Variants in RAB30 observed in about 807,000 individuals in gnomAD.
RAB30 encodes the protein ras-related protein Rab-30.
In RAB30, 9 loss-of-function variants were observed where a neutral mutation model predicts 25.1. That is an observed-to-expected ratio of 0.36 (90% CI 0.22 to 0.63). The LOEUF is 0.63. Ranked by LOEUF, RAB30 falls within the 20% of genes least tolerant of loss-of-function variation. The pLI is 0.69. For synonymous variants in RAB30, 77 were observed against 86.4 expected (o/e 0.89, Z 0.60); for missense variants, 140 against 243.5 (o/e 0.58, Z 2.83).
At chr11:82,987,905 TAAAAAAAAAAAAAAAA>T in intron 3 of RAB30, 135 bp from the exon 4 acceptor site, 5 of 34,742 alleles carry the variant, frequency 1.4e-4, no homozygotes, top group Non-Finnish European at 2.0e-4. Flanking sequence ...TTTTCTGCCC[TAAAAAAAAAAAAAAAA>T]AAAAAAAAAA....
At chr11:82,998,822 G>A (rs1167686533) in intron 1 of RAB30, among the ~76,000 whole-genome samples, 1 of 152,166 alleles carries the variant, frequency 6.6e-6, no homozygotes, top group Non-Finnish European at 1.5e-5. Context: ...GAGGAAATGG[G>A]CAGTTAGGGA....
At chr11:83,062,887 CA>C (rs2121521193) in intron 1 of RAB30, among the ~76,000 whole-genome samples, 1 of 151,908 alleles carries the variant, frequency 6.6e-6, no homozygotes, top group Admixed American at 6.6e-5. Flanking sequence ...CCTGTAATCC[CA>C]GCTGCTCGGT....
chr11:83,013,077 T>C (rs1857339498), intron 1 of RAB30, among the ~76,000 whole-genome samples: 1 of 152,142 alleles, frequency 6.6e-6, no homozygotes, highest in Admixed American at 6.5e-5. Flanking sequence ...TTAAAATTTA[T>C]TTTCATTTTT....
rs559413026 is a variant in RAB30, at chr11:83,002,290, G to C, written c.-8-4966C>G. Among the ~76,000 whole-genome samples the C allele has an allele frequency of 2.4e-4, 37 of 152,248 alleles. 1 individual carries two copies. In the South Asian group the frequency reaches 5.2e-3, roughly 21 times the overall value. ...GACACTGACTTCAGATTACACAAGC[G>C]CTGCTCCTCACCGTGCCCTCCAGCC... is the stretch of plus-strand genomic sequence containing the variant. On this transcript the variant is annotated intron_variant, in intron 1 of 4. Coordinates refer to ENST00000527633, the MANE Select transcript of RAB30 (RefSeq NM_001286060.2).
At chr11:83,041,679 A>G (rs1401820613) in intron 1 of RAB30, 2 of 151,532 alleles carry the variant, frequency 1.3e-5, no homozygotes, top group Non-Finnish European at 3.0e-5. Flanking sequence ...TCAGTTTGTG[A>G]ACTTTATTAA....
At chr11:83,020,357 C>A (rs1212113829) in intron 1 of RAB30, among the ~76,000 whole-genome samples, 1 of 152,244 alleles carries the variant, frequency 6.6e-6, no homozygotes, top group Non-Finnish European at 1.5e-5. Context: ...ACTGTCACAG[C>A]CTGGCTGGGT....
intron 1 of RAB30, among the ~76,000 whole-genome samples, chr11:83,022,975 G>GTA (rs10661823): frequency 0.31 from 46,766 of 150,170 alleles, 7,974 homozygotes; most frequent in African/African-American, 0.48. Flanking sequence ...GTATGTATGT[G>GTA]TATATATATA....
chr11:83,033,887 CCAAA>C (rs147838777), intron 1 of RAB30, among the ~76,000 whole-genome samples: 9,985 of 151,530 alleles, frequency 0.066, 698 homozygotes, highest in African/African-American at 0.18. Flanking sequence ...GAAAAAAAAA[CCAAA>C]CAAACAAAAA....
At chr11:83,019,519 C>T (rs1393646006) in intron 1 of RAB30, among the ~76,000 whole-genome samples, 2 of 152,276 alleles carry the variant, frequency 1.3e-5, no homozygotes, top group East Asian at 3.9e-4. Context: ...CAAACCCCCA[C>T]TCCCCTGCCC....
chr11:83,024,932 G>A (rs1857673578), intron 1 of RAB30, among the ~76,000 whole-genome samples: 1 of 152,162 alleles, frequency 6.6e-6, no homozygotes, highest in Non-Finnish European at 1.5e-5. Context: ...GAGAGTTATA[G>A]CATCTTTCAA....
At chr11:83,036,557 A>G (rs2121514366) in intron 1 of RAB30, among the ~76,000 whole-genome samples, 1 of 152,316 alleles carries the variant, frequency 6.6e-6, no homozygotes, top group East Asian at 1.9e-4. Flanking sequence ...AGCACTTTCT[A>G]TGAGCCAGCT....
intron 1 of RAB30, among the ~76,000 whole-genome samples, chr11:83,052,076 T>C (rs1432891913): frequency 6.6e-6 from 1 of 152,216 alleles, no homozygotes; most frequent in African/African-American, 2.4e-5. Context: ...TAATCAGGTT[T>C]GCCAGGAACT....
Position 82,982,083 on chromosome 11 carries a change from C to G in RAB30, c.*82G>C. 1.9e-6 allele frequency: 3 copies of G among 1,569,516 alleles called. No individual in the cohort carries two copies. On this transcript the variant is annotated 3_prime_UTR_variant, in exon 5 of 5. Coordinates refer to ENST00000527633, the MANE Select transcript of RAB30 (RefSeq NM_001286060.2). Reference sequence around the variant, plus strand: ...AGTCAGAAGGTCAGAGAGCGGGAGCCACAGTCATCGCCAGATCTCCCCAGC... The same window carrying G: ...AGTCAGAAGGTCAGAGAGCGGGAGCGACAGTCATCGCCAGATCTCCCCAGC...
intron 1 of RAB30, among the ~76,000 whole-genome samples, chr11:83,070,184 A>C (rs1402063562): frequency 6.6e-6 from 1 of 152,232 alleles, no homozygotes; most frequent in Non-Finnish European, 1.5e-5. Context: ...TAGGGTGTCC[A>C]GAAGAGCAGA....
In RAB30 at chr11:83,052,202, G is replaced by C. The variant is rs959307919; in HGVS notation, c.-9+19489C>G. 7.2e-5 allele frequency among the ~76,000 whole-genome samples: 11 copies of C among 152,166 alleles called. No individual in the cohort carries two copies. In the East Asian group the frequency reaches 2.1e-3, roughly 29 times the overall value. On this transcript the variant is annotated intron_variant, in intron 1 of 4. Coordinates refer to ENST00000527633, the MANE Select transcript of RAB30 (RefSeq NM_001286060.2). ...CATCTGTAAAACACGCTACAGGCTT[G>C]TTATAAAGCCCATTTATACTATATA...
chr11:82,996,314 AG>A (rs1373661904), intron 2 of RAB30, among the ~76,000 whole-genome samples: 1 of 152,178 alleles, frequency 6.6e-6, no homozygotes, highest in Non-Finnish European at 1.5e-5. Context: ...GTCCCAGGAA[AG>A]GGAGGTAACT....
intron 1 of RAB30, among the ~76,000 whole-genome samples, chr11:83,063,437 G>T (rs1858628088): frequency 6.6e-6 from 1 of 152,192 alleles, no homozygotes; most frequent in African/African-American, 2.4e-5. Flanking sequence ...TTTTTCTGCA[G>T]AATTCTCTGG....
rs1435879426 is a variant in RAB30, at chr11:82,973,336, G to A, written c.*8829C>T. ...GCTACAATGAATGGACAGTCATATG[G>A]TTTGGTGATTTGACAAACTTTTTTC... On this transcript the variant is annotated 3_prime_UTR_variant, in exon 5 of 5. Transcript: ENST00000527633. The A allele has an allele frequency of 7.2e-5, 11 of 152,148 alleles. No individual in the cohort carries two copies. 9.4% of individuals were successfully genotyped at this position (152,148 alleles called of 1,614,324 possible).
At chr11:83,010,789 T>A (rs922798643) in intron 1 of RAB30, among the ~76,000 whole-genome samples, 1 of 152,044 alleles carries the variant, frequency 6.6e-6, no homozygotes, top group African/African-American at 2.4e-5. Context: ...AAATGCCAAA[T>A]GAACAAAAAT....
Sources: allele counts gnomAD v4.1 joint callset (sites outside exome capture counted in the v4.1 genomes callset), GRCh38; gene constraint gnomAD v4.1.1; transcripts MANE v1.5; gene names NCBI Gene and HGNC (gene_info 2026-07-23, HGNC 2026-07-21).